The following TELO2 variants were observed in gnomAD, a reference collection of about 807,000 sequenced individuals.
TELO2 encodes telomere maintenance 2.
A neutral mutation model predicts 91.0 loss-of-function variants in TELO2; 71 were observed. The ratio of observed to expected loss-of-function variants is 0.78; its 90% CI spans 0.64 to 0.95. The LOEUF (loss-of-function observed/expected upper bound fraction) is 0.95. TELO2 is among the 40% of genes least tolerant of loss of function. The probability of loss-of-function intolerance (pLI) is 0.00; values close to 1 mark genes in which losing one functional copy is unlikely to be tolerated. For synonymous variants in TELO2, 584 were observed against 518.9 expected, an observed-to-expected ratio of 1.13 and a Z score of -1.71; for missense variants, 1,183 against 1,141.3, an observed-to-expected ratio of 1.04 and a Z score of -0.53.
chr16:1,497,553 T>G lies in TELO2; in HGVS notation c.830+45T>G, dbSNP rs1297630647. On this transcript the variant is annotated intron_variant, in intron 5 of 20. Coordinates refer to ENST00000262319, the MANE Select transcript of TELO2 (RefSeq NM_016111.4). The surrounding 1 kb of genome is among the most constrained non-coding windows in gnomAD (Gnocchi z 4.0). ...TCCAGCTGCACTGGCTTCTGGGGTC[T>G]GGACCCCCAGAGGCTGCCATTCCTT... 6.6e-7 allele frequency: 1 copy of G among 1,511,434 alleles called. No individual in the cohort carries two copies. The highest frequency in any genetic ancestry group is 2.5e-5 in the East Asian group (1 of 40,388). The allele number at this position is 1,511,434 out of a possible 1,614,324, so 93.6% of individuals were successfully genotyped here.
rs1218819421 is a variant in TELO2, at chr16:1,501,510, C to T, written c.1361+11C>T. ...CGCCTCGGAGGCGGGGTGAGGGTCT[C>T]TGCCCCCCGGGACCCCACCGCGTGC... On this transcript the variant is annotated intron_variant, in intron 10 of 20. Coordinates refer to ENST00000262319, the MANE Select transcript of TELO2 (RefSeq NM_016111.4). 1 of 1,603,356 alleles carries T rather than the reference C, an allele frequency of 6.2e-7. No homozygotes were observed. Among genetic ancestry groups the T allele is most frequent in the Non-Finnish European group, 8.5e-7 (1 of 1,174,578 alleles).
intron 20 of TELO2, among the ~76,000 whole-genome samples, chr16:1,508,110 C>T (rs911356653): frequency 3.9e-5 from 6 of 152,060 alleles, no homozygotes; most frequent in East Asian, 1.9e-4. Flanking sequence ...TGGGCCCCTC[C>T]GGCCGGTGCA....
At chr16:1,507,075 C>T (rs752779983) in intron 18 of TELO2, 24 bp downstream of exon 18, 18 of 1,581,246 alleles carry the variant, frequency 1.1e-5, no homozygotes, top group South Asian at 5.7e-5. Context: ...GGTCGCCGGG[C>T]GCCGGCCTGT....
At chr16:1,501,996 A>G (rs1567300502) in intron 11 of TELO2, 51 bp from the exon 12 acceptor site, 2 of 1,609,794 alleles carry the variant, frequency 1.2e-6, no homozygotes, top group South Asian at 1.1e-5. Flanking sequence ...GCCGTTGGGC[A>G]CTTCCTGTCA....
chr16:1,499,074 C>T (rs1463023706), intron 5 of TELO2, among the ~76,000 whole-genome samples, 157 bp from the exon 6 acceptor site: 2 of 152,214 alleles, frequency 1.3e-5, no homozygotes, highest in South Asian at 4.1e-4. Flanking sequence ...AGGATGAAGG[C>T]CCAGCTCAGG....
At position 1,497,030 on chromosome 16, in the gene TELO2, T is replaced by C. The variant is rs2039518166; in HGVS notation, c.614-6T>C. 6.2e-7 allele frequency: 1 copy of C among 1,613,710 alleles called. No individual in the cohort carries two copies. The highest frequency in any genetic ancestry group is 1.3e-5 in the African/African-American group (1 of 74,898). On this transcript the variant is annotated splice_polypyrimidine_tract_variant and splice_region_variant and intron_variant, in intron 3 of 20. Transcript: ENST00000262319. The surrounding 1 kb of genome is among the most constrained non-coding windows in gnomAD (Gnocchi z 4.0). ...CTTCCTCATCAGGCCTCCCTTTCTGTCCCAGGTGGCCTGGATTCCTCCGTG... is the reference window on the plus strand; with the variant it reads ...CTTCCTCATCAGGCCTCCCTTTCTGCCCCAGGTGGCCTGGATTCCTCCGTG...
At chr16:1,507,753 GTCGGCCCGGGGTGTGTGTGTA>G (rs778184538) in intron 20 of TELO2, 37 bp downstream of exon 20, 9 of 1,440,544 alleles carry the variant, frequency 6.2e-6, no homozygotes, top group African/African-American at 4.1e-5. Context: ...TGAGATGTGT[GTCGGCCCGGGGTGTGTGTGTA>G]TGTGTGTGTG....
At position 1,500,190 on chromosome 16, in the gene TELO2, C is replaced by T. The variant is rs183323751; in HGVS notation, c.1002+26C>T. ...GTACGTGCCTCCTGGCTCTCCGTCC[C>T]TGCGAGGCCCTGGGAGAAGAGCCGT... On this transcript the variant is annotated intron_variant, in intron 7 of 20. Transcript: ENST00000262319. 490 of 1,584,176 alleles carry T rather than the reference C, an allele frequency of 3.1e-4. No individual in the cohort carries two copies. In the African/African-American group the frequency reaches 5.8e-3, roughly 19 times the overall value.
chr16:1,498,289 A>G lies in TELO2; in HGVS notation c.830+781A>G, dbSNP rs150664695. Among the ~76,000 whole-genome samples the G allele has an allele frequency of 8.0e-3, 1,212 of 152,290 alleles. 10 individuals carry two copies. Among genetic ancestry groups the G allele is most frequent in the Middle Eastern group, 0.02 (6 of 294 alleles). On this transcript the variant is annotated intron_variant, in intron 5 of 20. Transcript: ENST00000262319. ...CTCGGCTTCCCAAAGTGTTGGGATT[A>G]TAGGCGTGAGCCCCTGCACCCGGCT...
At chr16:1,507,091 C>T in intron 18 of TELO2, 40 bp downstream of exon 18, 1 of 1,561,844 alleles carries the variant, frequency 6.4e-7, no homozygotes, top group Non-Finnish European at 8.7e-7. Context: ...CCTGTGCTAA[C>T]CATGGATCAG....
At chr16:1,501,204 C>T (rs549735988) in intron 9 of TELO2, among the ~76,000 whole-genome samples, 8 of 152,354 alleles carry the variant, frequency 5.3e-5, no homozygotes, top group Non-Finnish European at 8.8e-5. Flanking sequence ...AGAGGGGCCA[C>T]GGCCCCTCAG....
chr16:1,506,920 C>G (rs530403629), intron 17 of TELO2, 32 bp from the exon 18 acceptor site: 2 of 1,574,322 alleles, frequency 1.3e-6, no homozygotes, highest in South Asian at 2.3e-5. Context: ...CTGAGGCACC[C>G]GCTGCACCTT....
At chr16:1,495,958 C>T (rs1283665433) in intron 3 of TELO2, among the ~76,000 whole-genome samples, 3 of 152,226 alleles carry the variant, frequency 2.0e-5, no homozygotes, top group East Asian at 1.9e-4. Context: ...GCTGTGGGAA[C>T]GGCCTTGCCC....
Position 1,494,692 on chromosome 16 carries a change from G to A in TELO2, c.335+76G>A. 6.9e-7 allele frequency: 1 copy of A among 1,441,676 alleles called. No individual in the cohort carries two copies. The highest frequency in any genetic ancestry group is 1.3e-5 in the South Asian group (1 of 75,474). 89.3% of individuals were successfully genotyped at this position (1,441,676 alleles called of 1,614,324 possible). A position where few individuals can be genotyped will look rare whatever the true frequency, so the allele number is the denominator to read the frequency against. ...AGAGTGGCTTGAAGGACTGGACCAA[G>A]AGCCTCTCTAGTCCCTGTGAGGGGC... is the stretch of plus-strand genomic sequence containing the variant. On this transcript the variant is annotated intron_variant, in intron 2 of 20. Coordinates refer to ENST00000262319, the MANE Select transcript of TELO2 (RefSeq NM_016111.4). This position sits in a 1 kb window ranked among gnomAD's most constrained non-coding sequence, Gnocchi z 5.6.
intron 15 of TELO2, among the ~76,000 whole-genome samples, chr16:1,503,755 G>A (rs1362551008): frequency 1.3e-5 from 2 of 152,176 alleles, no homozygotes; most frequent in African/African-American, 4.8e-5. Flanking sequence ...GCTTGGGAAG[G>A]CAAAAGAGTT....
rs145076594 is a variant in TELO2, at chr16:1,504,621, G to C, written c.1843-789G>C. ...CGCCCAGGCTGGAGTGCAGTGGCGC[G>C]ATCTTGACTCACTGCAAGCTCCCCC... On this transcript the variant is annotated intron_variant, in intron 15 of 20. Transcript: ENST00000262319. Among the ~76,000 whole-genome samples, 14 of 128,586 alleles carry C rather than the reference G, an allele frequency of 1.1e-4. No individual in the cohort carries two copies. In the East Asian group the frequency reaches 1.3e-3, roughly 12 times the overall value. 84.4% of individuals were successfully genotyped at this position (128,586 alleles called of 152,430 possible).
rs1412947549 is a variant in TELO2 at position 1,495,618 on chromosome 16, T to C, written c.608T>C (p.Leu203Pro). The C allele has an allele frequency of 1.3e-6, 2 of 1,589,376 alleles. No homozygotes were observed. Among genetic ancestry groups the C allele is most frequent in the Admixed American group, 3.4e-5 (2 of 59,124 alleles). Reference sequence around the variant, plus strand: ...GTGCTGCAGGCGGTTGTGGACTCTCTCCAAGGTGAGGCCCTGCCTCGGGGA... The same window carrying C: ...GTGCTGCAGGCGGTTGTGGACTCTCCCCAAGGTGAGGCCCTGCCTCGGGGA... ...VRVLQAVVDS[L>P]QGGLDSSVSF... Residue 203 changes from leucine to proline, a missense_variant, in exon 3 of 21, where the codon CTC becomes CCC. Leu to Pro is a moderately conservative substitution (Grantham distance 98). Transcript: ENST00000262319.
chr16:1,495,440 C>T lies in TELO2; in HGVS notation c.430C>T (p.Gln144Ter). The T allele has an allele frequency of 1.2e-6, 2 of 1,602,840 alleles. No individual in the cohort carries two copies. Among genetic ancestry groups the T allele is most frequent in the Admixed American group, 1.7e-5 (1 of 58,696 alleles). Reference protein sequence around the residue: ...AVLMEAQCRQQTQPGFILLRE... With the variant: ...AVLMEAQCRQ ...GCTGATGGAGGCGCAGTGTCGGCAG[C>T]AGACGCAGCCCGGCTTCATCCTGCT... Residue 144 changes from glutamine to a stop codon, truncating the protein, a stop_gained, in exon 3 of 21, where the codon CAG becomes TAG. Coordinates refer to ENST00000262319, the MANE Select transcript of TELO2 (RefSeq NM_016111.4). LOFTEE classifies it high-confidence loss of function.
intron 7 of TELO2, 71 bp downstream of exon 7, chr16:1,500,235 C>T (rs114607467): frequency 3.7e-5 from 57 of 1,536,084 alleles, no homozygotes; most frequent in African/African-American, 1.6e-4. Flanking sequence ...ACCTTTTGGG[C>T]GGCAGGGTGA....
Sources: allele counts gnomAD v4.1 joint callset (sites outside exome capture counted in the v4.1 genomes callset), GRCh38; gene constraint gnomAD v4.1.1; non-coding constraint Gnocchi (gnomAD v3.1); transcripts MANE v1.5; gene names NCBI Gene and HGNC (gene_info 2026-07-23, HGNC 2026-07-21).